The following CNTLN variants were observed in gnomAD, a reference collection of about 807,000 sequenced individuals.
CNTLN encodes centlein, also known as centlein, centrosomal protein.
A neutral mutation model predicts 180.0 loss-of-function variants in CNTLN; 212 were observed. The ratio of observed to expected loss-of-function variants is 1.18; its 90% confidence interval spans 1.05 to 1.32. The LOEUF (loss-of-function observed/expected upper bound fraction) is 1.32, where lower values mean the gene tolerates loss of function less well. Among genes scored for constraint, CNTLN ranks in the 40% most tolerant of loss-of-function variants. CNTLN has a pLI of 0.00. For missense variants in CNTLN, 2,095 were observed against 1,610.9 expected (o/e 1.30, Z -5.14); for synonymous variants, 722 against 563.1 (o/e 1.28, Z -3.99).
chr9:17,367,005 CA>C (rs1051166440), intron 13 of CNTLN, among the ~76,000 whole-genome samples: 1 of 151,770 alleles, frequency 6.6e-6, no homozygotes. Flanking sequence ...CCTACACACA[CA>C]AAAAAAACAC....
chr9:17,366,938 C>T (rs76901239), intron 13 of CNTLN, among the ~76,000 whole-genome samples: 212 of 152,182 alleles, frequency 1.4e-3, no homozygotes, highest in Middle Eastern at 3.4e-3. Context: ...GGAGAACGTA[C>T]AGCAAGATGG....
chr9:17,514,182 T>C, the CNTLN span, among the ~76,000 whole-genome samples: 3 of 149,866 alleles, frequency 2.0e-5, no homozygotes, highest in South Asian at 2.1e-4. Flanking sequence ...TAATGACACA[T>C]GCCTGTAGTC....
At chr9:17,331,042 C>A (rs1011183564) in intron 9 of CNTLN, among the ~76,000 whole-genome samples, 3 of 151,650 alleles carry the variant, frequency 2.0e-5, no homozygotes, top group African/African-American at 7.3e-5. Context: ...AGTGCTATAC[C>A]CATTTTGTCA....
chr9:17,160,219 C>T (rs1819585667), intron 2 of CNTLN, among the ~76,000 whole-genome samples: 1 of 151,950 alleles, frequency 6.6e-6, no homozygotes, highest in Admixed American at 6.6e-5. Flanking sequence ...TTGCATTTCT[C>T]TTATTATTTG....
chr9:17,189,371 C>T (rs940491149), intron 2 of CNTLN, among the ~76,000 whole-genome samples: 2 of 151,744 alleles, frequency 1.3e-5, no homozygotes, highest in Admixed American at 1.3e-4. Context: ...CCTGAACCAC[C>T]GTGCCCGGCC....
chr9:17,504,354 A>C (rs112400671), downstream of CNTLN, among the ~76,000 whole-genome samples: 1 of 152,178 alleles, frequency 6.6e-6, no homozygotes, highest in African/African-American at 2.4e-5. Flanking sequence ...CAAAACTTAA[A>C]ATGTAATACC....
chr9:17,340,972 C>T, intron 11 of CNTLN, 24 bp downstream of exon 11: 1 of 1,585,084 alleles, frequency 6.3e-7, no homozygotes, highest in Non-Finnish European at 8.6e-7. Flanking sequence ...CTCATAAAGG[C>T]ATTTCCCTAA....
chr9:17,492,624 T>C (rs1833225565), intron 25 of CNTLN, among the ~76,000 whole-genome samples: 1 of 152,188 alleles, frequency 6.6e-6, no homozygotes, highest in South Asian at 2.1e-4. Flanking sequence ...TGTACACTTG[T>C]ATGTTGCTAA....
chr9:17,136,026 C>A (rs1458364332), intron 1 of CNTLN, among the ~76,000 whole-genome samples: 2 of 152,190 alleles, frequency 1.3e-5, no homozygotes, highest in Admixed American at 6.5e-5. Context: ...AGTGAGAAAT[C>A]ACATTTTCAT....
At chr9:17,481,397 A>G (rs1043570241) in intron 23 of CNTLN, among the ~76,000 whole-genome samples, 2 of 152,212 alleles carry the variant, frequency 1.3e-5, no homozygotes, top group Admixed American at 1.3e-4. Context: ...TCACCTGGTC[A>G]AGGAACCCAG....
chr9:17,309,139 G>A lies in CNTLN; in HGVS notation c.1228G>A (p.Asp410Asn). 2 of 1,610,024 alleles carry A rather than the reference G, an allele frequency of 1.2e-6. No individual in the cohort carries two copies. Among genetic ancestry groups the A allele is most frequent in the Non-Finnish European group, 1.7e-6 (2 of 1,177,840 alleles). Residue 410 changes from aspartate to asparagine, a missense_variant, in exon 8 of 26, where the codon GAT becomes AAT. Transcript: ENST00000380647. ...CCGGCAAAGTGTTACTAATCTTCAGGATCAGCTATTACAAAAAGAGCAAGA... is the reference window on the plus strand; with the variant it reads ...CCGGCAAAGTGTTACTAATCTTCAGAATCAGCTATTACAAAAAGAGCAAGA... Reference protein sequence around the residue: ...MLRQSVTNLQDQLLQKEQENA... With the variant: ...MLRQSVTNLQNQLLQKEQENA...
At chr9:17,185,770 T>TC (rs1821392592) in intron 2 of CNTLN, among the ~76,000 whole-genome samples, 1 of 145,246 alleles carries the variant, frequency 6.9e-6, no homozygotes, top group Non-Finnish European at 1.5e-5. Context: ...ATGTTTCCCA[T>TC]TTGTGTGTGT....
At chr9:17,294,388 C>A (rs567277669) in intron 6 of CNTLN, among the ~76,000 whole-genome samples, 2 of 150,228 alleles carry the variant, frequency 1.3e-5, no homozygotes, top group Admixed American at 1.3e-4. Flanking sequence ...CTGATTGGTG[C>A]GTTTACAATC....
chr9:17,315,841 G>T (rs1253460477), intron 8 of CNTLN, among the ~76,000 whole-genome samples: 1 of 151,906 alleles, frequency 6.6e-6, no homozygotes, highest in Non-Finnish European at 1.5e-5. Context: ...CAAGTTTCTT[G>T]ATATTGTTGT....
chr9:17,272,876 G>C (rs1034022894), intron 5 of CNTLN, among the ~76,000 whole-genome samples: 2 of 151,780 alleles, frequency 1.3e-5, no homozygotes, highest in Non-Finnish European at 2.9e-5. Context: ...TTTTAAAAAG[G>C]CTTGCTTTCC....
intron 24 of CNTLN, among the ~76,000 whole-genome samples, chr9:17,485,598 T>G (rs1269381792): frequency 6.6e-6 from 1 of 152,138 alleles, no homozygotes; most frequent in Admixed American, 6.6e-5. Flanking sequence ...TTAATTAAAA[T>G]ATGTCGATTG....
At chr9:17,341,085 T>A in intron 11 of CNTLN, 137 bp downstream of exon 11, 1 of 737,472 alleles carries the variant, frequency 1.4e-6, no homozygotes, top group Non-Finnish European at 2.0e-6. Flanking sequence ...AATTTTTAAA[T>A]GGAGAATATA....
intron 25 of CNTLN, among the ~76,000 whole-genome samples, chr9:17,501,768 G>A (rs1167080760): frequency 6.6e-6 from 1 of 152,206 alleles, no homozygotes; most frequent in Non-Finnish European, 1.5e-5. Flanking sequence ...GACCTCTTAT[G>A]TGAGGCTATG....
intron 8 of CNTLN, among the ~76,000 whole-genome samples, chr9:17,311,099 A>G (rs1819101231): frequency 6.6e-6 from 1 of 151,882 alleles, no homozygotes; most frequent in Non-Finnish European, 1.5e-5. Flanking sequence ...ATCTCAGCTC[A>G]TTGGAACCTC....
Sources: gnomAD v4.1 joint callset for allele counts (sites outside exome capture counted in the v4.1 genomes callset) on GRCh38, gnomAD v4.1.1 for gene constraint, MANE v1.5 for transcripts, NCBI Gene and HGNC (gene_info 2026-07-23, HGNC 2026-07-21) for gene names.